The following NSD2 variants were observed in gnomAD, a reference collection of about 807,000 sequenced individuals.
NSD2 encodes the protein histone-lysine N-methyltransferase NSD2.
In NSD2, 12 loss-of-function variants were observed where a neutral mutation model predicts 139.0. That is an observed-to-expected ratio of 0.09 (90% CI 0.06 to 0.14). The LOEUF is 0.14. Ranked by LOEUF, NSD2 falls within the 10% of genes least tolerant of loss-of-function variation. NSD2 has a pLI of 1.00. For synonymous variants in NSD2, 669 were observed against 648.7 expected, an observed-to-expected ratio of 1.03 and a Z score of -0.48; for missense variants, 1,155 against 1,745.0, an observed-to-expected ratio of 0.66 and a Z score of 6.02.
Position 1,955,157 on chromosome 4 carries a change from T to C in NSD2, c.2339-4T>C, listed in dbSNP as rs1442424508. ...GTCCTTAGGGTGTGTTTCTTTGCCTTCAGGTAAAATGATGCGGTGTGTCCG... is the reference window on the plus strand; with the variant it reads ...GTCCTTAGGGTGTGTTTCTTTGCCTCCAGGTAAAATGATGCGGTGTGTCCG... On this transcript the variant is annotated splice_polypyrimidine_tract_variant and splice_region_variant and intron_variant, in intron 12 of 21. Transcript: ENST00000508803. The surrounding 1 kb of genome is among the most constrained non-coding windows in gnomAD (Gnocchi z 4.7). 1 of 1,594,502 alleles carries C rather than the reference T, an allele frequency of 6.3e-7. No homozygotes were observed. The highest frequency in any genetic ancestry group is 8.6e-7 in the Non-Finnish European group (1 of 1,163,366).
intron 1 of NSD2, among the ~76,000 whole-genome samples, chr4:1,892,619 G>A (rs763068371): frequency 3.9e-5 from 6 of 151,906 alleles, no homozygotes; most frequent in Non-Finnish European, 5.9e-5. Context: ...AGGCTGGAGT[G>A]TAGTGGCCTG....
intron 18 of NSD2, among the ~76,000 whole-genome samples, chr4:1,971,327 C>G (rs1033595179): frequency 4.6e-5 from 7 of 152,300 alleles, no homozygotes; most frequent in Middle Eastern, 3.4e-3. Flanking sequence ...AGAGCCACCA[C>G]TGGGGATGAG....
At chr4:1,944,424 T>G in intron 9 of NSD2, 1 of 1,065,326 alleles carries the variant, frequency 9.4e-7, no homozygotes, top group Non-Finnish European at 1.1e-6. Context: ...CTTAAGACAT[T>G]TGAATTGCCG....
intron 5 of NSD2, among the ~76,000 whole-genome samples, chr4:1,925,760 ATC>A (rs956979270): frequency 5.1e-4 from 75 of 147,768 alleles, no homozygotes; most frequent in African/African-American, 1.9e-3. Flanking sequence ...CTTTTTATAT[ATC>A]TATATATATA....
intron 1 of NSD2, among the ~76,000 whole-genome samples, chr4:1,874,152 TTTTTGTTTTTG>T (rs1310632779): frequency 6.6e-6 from 1 of 152,244 alleles, no homozygotes; most frequent in African/African-American, 2.4e-5. Flanking sequence ...TGGTTTTGCC[TTTTTGTTTTTG>T]TTTTGTTTTT....
chr4:1,880,920 ATATT>A (rs1424687285), intron 1 of NSD2, among the ~76,000 whole-genome samples: 2 of 152,210 alleles, frequency 1.3e-5, no homozygotes, highest in Non-Finnish European at 2.9e-5. Context: ...AACACTGATT[ATATT>A]TATTATTGAG....
At chr4:1,896,623 C>T (rs937801278) in intron 1 of NSD2, among the ~76,000 whole-genome samples, 3 of 152,186 alleles carry the variant, frequency 2.0e-5, no homozygotes, top group Non-Finnish European at 4.4e-5. Flanking sequence ...TCTTTGGCCT[C>T]CCAAAGTGCT....
intron 10 of NSD2, among the ~76,000 whole-genome samples, chr4:1,951,615 G>A (rs1281592150): frequency 6.6e-6 from 1 of 152,078 alleles, no homozygotes. Flanking sequence ...GGCTGAGGGG[G>A]CCATCACTAG....
Position 1,980,793 on chromosome 4 carries a change from TAA to T in NSD2, c.*1885_*1886del. ...TGGCCTCTGAGGGGCACTCGCCGGT[TAA>T]GACAGGGTGGGAGTAGTGCTTTCCA... On this transcript the variant is annotated 3_prime_UTR_variant, in exon 22 of 22. Coordinates refer to ENST00000508803, the MANE Select transcript of NSD2 (RefSeq NM_001042424.3). 4.3e-6 allele frequency: 1 copy of T among 233,330 alleles called. No individual in the cohort carries two copies. Among genetic ancestry groups the T allele is most frequent in the East Asian group, 6.0e-5 (1 of 16,596 alleles). 14.5% of individuals were successfully genotyped at this position (233,330 alleles called of 1,614,324 possible).
At chr4:1,882,524 C>T (rs1268129529) in intron 1 of NSD2, among the ~76,000 whole-genome samples, 2 of 152,044 alleles carry the variant, frequency 1.3e-5, no homozygotes, top group Non-Finnish European at 2.9e-5. Flanking sequence ...ATTATCTGGG[C>T]GTGGTGGCGG....
At chr4:1,898,105 T>C (rs1716610946) in intron 1 of NSD2, among the ~76,000 whole-genome samples, 1 of 152,102 alleles carries the variant, frequency 6.6e-6, no homozygotes, top group Non-Finnish European at 1.5e-5. Flanking sequence ...TTCCCCCTTC[T>C]TTTTACAGTC....
chr4:1,882,430 C>T (rs1359424637), intron 1 of NSD2, among the ~76,000 whole-genome samples: 6 of 152,040 alleles, frequency 3.9e-5, no homozygotes, highest in Admixed American at 2.0e-4. Flanking sequence ...TTTGGGAGGC[C>T]GAGGCGGGTG....
chr4:1,938,589 T>TG, intron 8 of NSD2, 57 bp downstream of exon 8: 1 of 537,334 alleles, frequency 1.9e-6, no homozygotes, highest in Admixed American at 2.4e-5. Flanking sequence ...CTGGGCTGGG[T>TG]GGGTGGGCTG....
intron 9 of NSD2, chr4:1,941,492 A>G: frequency 9.6e-7 from 1 of 1,046,692 alleles, no homozygotes; most frequent in South Asian, 4.6e-5. Flanking sequence ...TCCCTGGCCT[A>G]GGCAGTTGTC....
intron 18 of NSD2, among the ~76,000 whole-genome samples, chr4:1,964,752 T>A (rs528896418): frequency 6.8e-4 from 103 of 152,222 alleles, no homozygotes; most frequent in Non-Finnish European, 1.1e-3. Context: ...TTTCTCTTTT[T>A]CCCCTTTTGG....
rs1727515556 is a variant in NSD2, at chr4:1,979,361, C to G, written c.*452C>G. The G allele has an allele frequency of 8.4e-6, 2 of 237,456 alleles. No homozygotes were observed. Among genetic ancestry groups the G allele is most frequent in the South Asian group, 3.6e-4 (2 of 5,624 alleles). 14.7% of individuals were successfully genotyped at this position (237,456 alleles called of 1,614,324 possible). A position where few individuals can be genotyped will look rare whatever the true frequency, so the allele number is the denominator to read the frequency against. ...GCCACTCGGGAGAGGCTGGGTGAGGCCCGTGTGAGGACTGACCCTGGATTC... is the reference window on the plus strand; with the variant it reads ...GCCACTCGGGAGAGGCTGGGTGAGGGCCGTGTGAGGACTGACCCTGGATTC... On this transcript the variant is annotated 3_prime_UTR_variant, in exon 22 of 22. Coordinates refer to ENST00000508803, the MANE Select transcript of NSD2 (RefSeq NM_001042424.3).
intron 1 of NSD2, among the ~76,000 whole-genome samples, chr4:1,899,917 A>C (rs1227092334): frequency 1.3e-5 from 2 of 152,220 alleles, no homozygotes; most frequent in Non-Finnish European, 2.9e-5. Flanking sequence ...TGTTTAATTT[A>C]GGCCTGAACA....
Position 1,979,371 on chromosome 4 carries a change from G to C in NSD2, c.*462G>C. 1 of 237,184 alleles carries C rather than the reference G, an allele frequency of 4.2e-6. No individual in the cohort carries two copies. The allele number at this position is 237,184 out of a possible 1,614,324, so 14.7% of individuals were successfully genotyped here. The stretch of plus-strand genomic sequence containing the variant: ...AGAGGCTGGGTGAGGCCCGTGTGAG[G>C]ACTGACCCTGGATTCCTCGAAACTG... On this transcript the variant is annotated 3_prime_UTR_variant, in exon 22 of 22. Coordinates refer to ENST00000508803, the MANE Select transcript of NSD2 (RefSeq NM_001042424.3).
intron 5 of NSD2, among the ~76,000 whole-genome samples, chr4:1,922,996 C>G (rs775113556): frequency 1.3e-5 from 2 of 152,038 alleles, no homozygotes; most frequent in Non-Finnish European, 2.9e-5. Context: ...AACAGGCTCT[C>G]GAGCATGTGG....
Sources: gnomAD v4.1 joint callset for allele counts (sites outside exome capture counted in the v4.1 genomes callset) on GRCh38, gnomAD v4.1.1 for gene constraint, Gnocchi (gnomAD v3.1) non-coding constraint, MANE v1.5 for transcripts, NCBI Gene and HGNC (gene_info 2026-07-23, HGNC 2026-07-21) for gene names.